SYT9: variants seen among roughly 807,000 people sequenced by gnomAD.
SYT9 encodes synaptotagmin-9.
A neutral mutation model predicts 48.4 loss-of-function variants in SYT9; 22 were observed. The observed-to-expected ratio is 0.45, with a 90% CI of 0.32 to 0.65. The LOEUF (loss-of-function observed/expected upper bound fraction) is 0.65. Ranked by LOEUF, SYT9 falls within the 30% of genes least tolerant of loss-of-function variation. The pLI is 0.03. For synonymous variants in SYT9, 265 were observed against 245.0 expected, an observed-to-expected ratio of 1.08 and a Z score of -0.76; for missense variants, 577 against 622.0, an observed-to-expected ratio of 0.93 and a Z score of 0.77.
chr11:7,398,352 A>T (rs1846798213), intron 3 of SYT9, among the ~76,000 whole-genome samples: 1 of 152,080 alleles, frequency 6.6e-6, no homozygotes, highest in East Asian at 1.9e-4. Context: ...AGTTTGCTAA[A>T]ATGTTACTAA....
chr11:7,377,933 G>C (rs1460162888), intron 3 of SYT9, among the ~76,000 whole-genome samples: 1 of 152,072 alleles, frequency 6.6e-6, no homozygotes, highest in Non-Finnish European at 1.5e-5. Context: ...CTATAAAAAG[G>C]CCATAGCCCA....
chr11:7,339,864 AG>A (rs1452207968), intron 3 of SYT9, among the ~76,000 whole-genome samples: 1 of 152,134 alleles, frequency 6.6e-6, no homozygotes, highest in Non-Finnish European at 1.5e-5. Context: ...AGAATCTTGC[AG>A]GGATTTTCTG....
chr11:7,435,670 T>C (rs1847691534), intron 6 of SYT9: 2 of 152,352 alleles, frequency 1.3e-5, no homozygotes, highest in African/African-American at 2.4e-5. Flanking sequence ...AAGACTGATA[T>C]AACTTCTTGA....
At chr11:7,466,112 A>G (rs186992048) in intron 6 of SYT9, among the ~76,000 whole-genome samples, 17 of 152,268 alleles carry the variant, frequency 1.1e-4, no homozygotes, top group Admixed American at 9.8e-4. Flanking sequence ...TCAATGCACC[A>G]TGCCCTTTAT....
At chr11:7,430,735 C>G (rs1000162638) in intron 6 of SYT9, among the ~76,000 whole-genome samples, 1 of 152,118 alleles carries the variant, frequency 6.6e-6, no homozygotes, top group Non-Finnish European at 1.5e-5. Flanking sequence ...GCACCTTCCA[C>G]CCTGCCTTGC....
At chr11:7,397,011 G>A (rs1846768277) in intron 3 of SYT9, among the ~76,000 whole-genome samples, 1 of 152,066 alleles carries the variant, frequency 6.6e-6, no homozygotes, top group Non-Finnish European at 1.5e-5. Context: ...ATGAAGTACA[G>A]TTTATCCATT....
intron 1 of SYT9, among the ~76,000 whole-genome samples, chr11:7,244,153 T>G (rs1214433513): frequency 1.3e-5 from 2 of 152,194 alleles, no homozygotes; most frequent in African/African-American, 2.4e-5. Context: ...CCTTTCAGTA[T>G]ATTTCGTATA....
chr11:7,323,045 T>C (rs1849364349), intron 3 of SYT9, among the ~76,000 whole-genome samples: 2 of 152,208 alleles, frequency 1.3e-5, no homozygotes, highest in Admixed American at 1.3e-4. Context: ...AGCATGATTT[T>C]AGCATTCCAT....
intron 3 of SYT9, chr11:7,314,436 G>A (rs1462107171): frequency 4.6e-6 from 1 of 215,694 alleles, no homozygotes; most frequent in Non-Finnish European, 9.7e-6. Context: ...AGAAGAGTTG[G>A]CAACACATTT....
chr11:7,300,871 C>T (rs1589926183), intron 1 of SYT9, among the ~76,000 whole-genome samples: 1 of 152,136 alleles, frequency 6.6e-6, no homozygotes, highest in East Asian at 1.9e-4. Flanking sequence ...GGGGTCAATC[C>T]ATGCCCTCCC....
chr11:7,440,172 T>A (rs73403316), intron 6 of SYT9: 1 of 152,248 alleles, frequency 6.6e-6, no homozygotes, highest in East Asian at 1.9e-4. Context: ...CAGTGATGAA[T>A]GGTGTGTTTG....
At chr11:7,307,011 A>G (rs2133943092) in intron 2 of SYT9, among the ~76,000 whole-genome samples, 1 of 152,328 alleles carries the variant, frequency 6.6e-6, no homozygotes, top group South Asian at 2.1e-4. Flanking sequence ...CAAGAATGAC[A>G]AAGGGCCAGA....
intron 6 of SYT9, among the ~76,000 whole-genome samples, chr11:7,464,486 C>T (rs1242109168): frequency 6.6e-6 from 1 of 152,138 alleles, no homozygotes; most frequent in Non-Finnish European, 1.5e-5. Context: ...TGGCCTTGTG[C>T]AAATTAGTGT....
At position 7,313,779 on chromosome 11, in the gene SYT9, C is replaced by T. The variant is rs1187244219; in HGVS notation, c.882C>T (p.Pro294=). The change falls in exon 3 of 7, where the codon CCC becomes CCT. Residue 294 remains proline (P), a synonymous_variant. Coordinates refer to ENST00000318881, the MANE Select transcript of SYT9 (RefSeq NM_175733.4). ...ATGAAGTGTTTTTATTTCCGGTTCC[C>T]TACAATGACCTTGAAGCACGGAAGC... ...VFDEVFLFPV[P]YNDLEARKLH... is the part of the protein sequence containing the mutation. 6.2e-7 allele frequency: 1 copy of T among 1,614,192 alleles called. No individual in the cohort carries two copies. Among genetic ancestry groups the T allele is most frequent in the East Asian group, 2.2e-5 (1 of 44,888 alleles).
At chr11:7,375,639 G>T (rs1006498705) in intron 3 of SYT9, among the ~76,000 whole-genome samples, 7 of 152,128 alleles carry the variant, frequency 4.6e-5, no homozygotes, top group Non-Finnish European at 8.8e-5. Context: ...CACATCCCTT[G>T]TAAGTTGGAT....
upstream of SYT9, among the ~76,000 whole-genome samples, chr11:7,249,658 G>A (rs1847835018): frequency 6.6e-6 from 1 of 152,172 alleles, no homozygotes; most frequent in Admixed American, 6.5e-5. Context: ...AACACATATT[G>A]GTTGAGCCCA....
At chr11:7,442,733 A>ATT (rs371209272) in intron 6 of SYT9, among the ~76,000 whole-genome samples, 1 of 152,200 alleles carries the variant, frequency 6.6e-6, no homozygotes, top group African/African-American at 2.4e-5. Flanking sequence ...CTCAAAGAGC[A>ATT]GTAGGCCTTT....
intron 5 of SYT9, 109 bp from the exon 6 acceptor site, chr11:7,420,397 C>A: frequency 7.1e-7 from 1 of 1,412,752 alleles, no homozygotes; most frequent in Non-Finnish European, 9.7e-7. Context: ...AACAAACAAA[C>A]AAACAAACAA....
chr11:7,329,622 C>T (rs1308663680), intron 3 of SYT9, among the ~76,000 whole-genome samples: 1 of 152,220 alleles, frequency 6.6e-6, no homozygotes, highest in Non-Finnish European at 1.5e-5. Context: ...AATGTCTCCG[C>T]TTATTTCTTA....
Sources: allele counts gnomAD v4.1 joint callset (sites outside exome capture counted in the v4.1 genomes callset), GRCh38; gene constraint gnomAD v4.1.1; transcripts MANE v1.5; gene names NCBI Gene and HGNC (gene_info 2026-07-23, HGNC 2026-07-21).